CDH2: variants seen among roughly 807,000 people sequenced by gnomAD.
CDH2 encodes the protein cadherin-2.
A neutral mutation model predicts 92.0 loss-of-function variants in CDH2; 17 were observed. The ratio of observed to expected loss-of-function variants is 0.18; its 90% CI spans 0.13 to 0.28. The LOEUF is 0.28. Ranked by LOEUF, CDH2 falls within the 10% of genes least tolerant of loss-of-function variation. The pLI is 1.00. For missense variants in CDH2, 862 were observed against 1,133.1 expected, an observed-to-expected ratio of 0.76 and a Z score of 3.44; for synonymous variants, 419 against 415.9, an observed-to-expected ratio of 1.01 and a Z score of -0.09.
At position 28,029,782 on chromosome 18, in the gene CDH2, G is replaced by A. The variant is rs1022161427; in HGVS notation, c.173-15873C>T. On this transcript the variant is annotated intron_variant, in intron 2 of 15. Coordinates refer to ENST00000269141, the MANE Select transcript of CDH2 (RefSeq NM_001792.5). ...ACGGCTGCTCTAGGGTTCTGCCTAG[G>A]AGAATTCCACACAGACCCCTCCCAA... Among the ~76,000 whole-genome samples the A allele has an allele frequency of 2.6e-5, 4 of 152,166 alleles. No individual in the cohort carries two copies. In the South Asian group the frequency reaches 6.2e-4, roughly 24 times the overall value.
rs1286960487 is a variant in CDH2 at position 28,013,794 on chromosome 18, A to C, written c.288T>G (p.Ser96=). 6.2e-7 allele frequency: 1 copy of C among 1,614,086 alleles called. No homozygotes were observed. Among genetic ancestry groups the C allele is most frequent in the East Asian group, 2.2e-5 (1 of 44,870 alleles). ...ATATCAGGAACTTGGCATGCTCAGA[A>C]GAGAGTGGAAAGCTTCTCACGGCAT... ...MVYAVRSFPL[S]SEHAKFLIYA... The change falls in exon 3 of 16, where the codon TCT becomes TCG. Residue 96 remains serine, a synonymous_variant. Coordinates refer to ENST00000269141, the MANE Select transcript of CDH2 (RefSeq NM_001792.5).
intron 2 of CDH2, among the ~76,000 whole-genome samples, chr18:28,043,487 T>TATATAA (rs2013999683): frequency 1.3e-5 from 1 of 75,242 alleles, no homozygotes; most frequent in Non-Finnish European, 2.5e-5. Context: ...TATATATATA[T>TATATAA]ATATATAAAT....
At chr18:28,073,402 G>A (rs547648495) in intron 2 of CDH2, among the ~76,000 whole-genome samples, 1 of 152,170 alleles carries the variant, frequency 6.6e-6, no homozygotes, top group African/African-American at 2.4e-5. Flanking sequence ...TCAATATAAA[G>A]ATAGGATCTC....
intron 2 of CDH2, among the ~76,000 whole-genome samples, chr18:28,132,952 T>C (rs775566799): frequency 6.6e-6 from 1 of 152,102 alleles, no homozygotes. Flanking sequence ...TAGTTCAGAT[T>C]TGGGGGGAGT....
chr18:28,131,184 G>T (rs1286728848), intron 2 of CDH2, among the ~76,000 whole-genome samples: 1 of 152,084 alleles, frequency 6.6e-6, no homozygotes, highest in South Asian at 2.1e-4. Flanking sequence ...AATTCCCTTA[G>T]AAGTTTCATC....
intron 2 of CDH2, among the ~76,000 whole-genome samples, chr18:28,124,607 T>A (rs187766750): frequency 9.2e-5 from 14 of 152,342 alleles, no homozygotes; most frequent in Admixed American, 3.9e-4. Context: ...AGTACTCTGA[T>A]CTACTACTTC....
chr18:28,103,442 TTATATA>T (rs375212785), intron 2 of CDH2, among the ~76,000 whole-genome samples: 2 of 140,896 alleles, frequency 1.4e-5, no homozygotes, highest in Non-Finnish European at 3.1e-5. Context: ...TGAAGTATGT[TTATATA>T]TATATATATA....
At chr18:28,061,068 G>A (rs1430637455) in intron 2 of CDH2, among the ~76,000 whole-genome samples, 4 of 152,006 alleles carry the variant, frequency 2.6e-5, no homozygotes, top group Non-Finnish European at 5.9e-5. Context: ...GAACTTCAAT[G>A]TATATCCCAC....
intron 2 of CDH2, among the ~76,000 whole-genome samples, chr18:28,068,023 AGT>A (rs1014252638): frequency 1.8e-4 from 27 of 152,362 alleles, no homozygotes; most frequent in African/African-American, 6.0e-4. Context: ...CAGTGACACC[AGT>A]GTAAAACCAC....
chr18:27,947,669 T>C (rs887172575), downstream of CDH2, among the ~76,000 whole-genome samples: 3 of 151,654 alleles, frequency 2.0e-5, no homozygotes, highest in Non-Finnish European at 3.0e-5. Flanking sequence ...GTATATGTGA[T>C]ATAAGTATAT....
intron 2 of CDH2, among the ~76,000 whole-genome samples, chr18:28,113,797 T>C (rs72884231): frequency 0.035 from 5,385 of 152,208 alleles, 182 homozygotes; most frequent in Non-Finnish European, 0.049. Flanking sequence ...TGACTCTTAA[T>C]GTATATAAAG....
chr18:28,044,659 A>C (rs1323820945), intron 2 of CDH2, among the ~76,000 whole-genome samples: 1 of 152,138 alleles, frequency 6.6e-6, no homozygotes, highest in African/African-American at 2.4e-5. Flanking sequence ...ATAATGGAAA[A>C]CACAGTGAAC....
intron 15 of CDH2, among the ~76,000 whole-genome samples, chr18:27,960,049 A>ACACACACACAC (rs773010323): frequency 1.6e-5 from 1 of 63,232 alleles, no homozygotes; most frequent in Admixed American, 1.3e-4. Flanking sequence ...CACACACACA[A>ACACACACACAC]ACACACACTC....
intron 2 of CDH2, among the ~76,000 whole-genome samples, chr18:28,105,162 A>G (rs2015301380): frequency 6.6e-6 from 1 of 152,156 alleles, no homozygotes; most frequent in South Asian, 2.1e-4. Flanking sequence ...GAAAAGCTCT[A>G]AAGTTCCATC....
rs77837112 is a variant in CDH2, at chr18:28,089,230, G to A, written c.172+58443C>T. On this transcript the variant is annotated intron_variant, in intron 2 of 15. Transcript: ENST00000269141. ...AACCTAGATCTTTGACTCTCTACCA[G>A]ATGAGGACACCATCAAATGATAATT... is the stretch of plus-strand genomic sequence containing the variant. Among the ~76,000 whole-genome samples the A allele has an allele frequency of 2.9e-3, 448 of 152,200 alleles. 2 individuals are homozygous for A. Among genetic ancestry groups the A allele is most frequent in the African/African-American group, 0.01 (430 of 41,506 alleles).
At chr18:27,942,668 G>A (rs1179134742) in intron 6 of CDH2, among the ~76,000 whole-genome samples, 4 of 152,232 alleles carry the variant, frequency 2.6e-5, no homozygotes, top group African/African-American at 9.6e-5. Context: ...ATCTTTCTTA[G>A]TGGAGAAGAA....
At chr18:28,049,478 G>T (rs762494260) in intron 2 of CDH2, among the ~76,000 whole-genome samples, 5 of 152,232 alleles carry the variant, frequency 3.3e-5, no homozygotes, top group Middle Eastern at 3.4e-3. Flanking sequence ...AATTTAGACC[G>T]AATAAAGCAG....
chr18:27,988,680 G>A lies in CDH2; in HGVS notation c.1599-14C>T, dbSNP rs748832462. The A allele has an allele frequency of 1.3e-6, 2 of 1,570,906 alleles. No individual in the cohort carries two copies. Among genetic ancestry groups the A allele is most frequent in the Non-Finnish European group, 1.7e-6 (2 of 1,146,924 alleles). ...AATTTAGTGTATCTACAAAATGAAA[G>A]TGAAGTTTAATTTCTTTTTATGAAA... On this transcript the variant is annotated splice_polypyrimidine_tract_variant and intron_variant, in intron 10 of 15. Transcript: ENST00000269141.
At chr18:28,163,763 A>G (rs1342069879) in intron 1 of CDH2, among the ~76,000 whole-genome samples, 1 of 152,260 alleles carries the variant, frequency 6.6e-6, no homozygotes, top group African/African-American at 2.4e-5. Context: ...AGAAAAATAC[A>G]TTATATATAC....
Sources: allele counts gnomAD v4.1 joint callset (sites outside exome capture counted in the v4.1 genomes callset), GRCh38; gene constraint gnomAD v4.1.1; transcripts MANE v1.5; gene names NCBI Gene and HGNC (gene_info 2026-07-23, HGNC 2026-07-21).